Variants in UGT1A4 observed in about 807,000 individuals in gnomAD.
UGT1A4 encodes the protein UDP glucuronosyltransferase family 1 member A4.
In UGT1A4, 32 loss-of-function variants were observed where a neutral mutation model predicts 41.1. The ratio of observed to expected loss-of-function variants is 0.78; its 90% CI spans 0.59 to 1.05. The LOEUF (loss-of-function observed/expected upper bound fraction) is 1.05, where lower values mean the gene tolerates loss of function less well. Ranked by LOEUF, UGT1A4 falls within the 50% of genes least tolerant of loss-of-function variation. The pLI, the probability that UGT1A4 is intolerant of heterozygous loss-of-function variation, is 0.00. For synonymous variants in UGT1A4, 283 were observed against 265.1 expected, an observed-to-expected ratio of 1.07 and a Z score of -0.66; for missense variants, 748 against 677.4, an observed-to-expected ratio of 1.10 and a Z score of -1.16.
At chr2:233,734,402 G>T (rs2078521396) in intron 1 of UGT1A4, among the ~76,000 whole-genome samples, 1 of 152,028 alleles carries the variant, frequency 6.6e-6, no homozygotes. Flanking sequence ...GCGTCTATTT[G>T]ATTCTTCTCT....
intron 4 of UGT1A4, chr2:233,770,148 T>A (rs1432860944): frequency 2.0e-5 from 3 of 152,232 alleles, no homozygotes; most frequent in Admixed American, 6.5e-5. Context: ...CATTATTTTT[T>A]AAAAAAACAC....
At chr2:233,746,981 C>T (rs1456419119) in intron 1 of UGT1A4, among the ~76,000 whole-genome samples, 1 of 151,772 alleles carries the variant, frequency 6.6e-6, no homozygotes, top group Non-Finnish European at 1.5e-5. Flanking sequence ...AGAGCGAGCG[C>T]AGGGTCAGAT....
At chr2:233,762,352 C>T (rs1368513264) in intron 1 of UGT1A4, among the ~76,000 whole-genome samples, 3 of 152,200 alleles carry the variant, frequency 2.0e-5, no homozygotes, top group South Asian at 2.1e-4. Flanking sequence ...GTTCTTTGTA[C>T]TCCAGCTATT....
rs1377553031 is a variant in UGT1A4 at position 233,755,239 on chromosome 2, G to C, written c.868-11795G>C. 12 of 885,954 alleles carry C rather than the reference G, an allele frequency of 1.4e-5. No individual in the cohort carries two copies. The South Asian group carries it at 1.5e-4, about 11-fold the overall frequency. The allele number at this position is 885,954 out of a possible 1,614,324, so 54.9% of individuals were successfully genotyped here. A position where few individuals can be genotyped will look rare whatever the true frequency, so the allele number is the denominator to read the frequency against. On this transcript the variant is annotated intron_variant, in intron 1 of 4. Transcript: ENST00000373409. ...ATACCCTCGGACGAGGCCTACCGGG[G>C]TACTCCCAGCACCTCGTAGTAGTCC...
At position 233,769,709 on chromosome 2, in the gene UGT1A4, G is replaced by T. The variant is rs1309329692; in HGVS notation, c.1307+1270G>T. The T allele has an allele frequency of 6.6e-7, 1 of 1,509,378 alleles. No individual in the cohort carries two copies. Among genetic ancestry groups the T allele is most frequent in the South Asian group, 1.3e-5 (1 of 76,432 alleles). The allele number at this position is 1,509,378 out of a possible 1,614,324, so 93.5% of individuals were successfully genotyped here. On this transcript the variant is annotated intron_variant, in intron 4 of 4. Coordinates refer to ENST00000373409, the MANE Select transcript of UGT1A4 (RefSeq NM_007120.3). The surrounding 1 kb of genome is among the most constrained non-coding windows in gnomAD (Gnocchi z 4.4). Reference sequence around the variant, plus strand: ...GGCACTGGATAAAAGATCAATGTTGGCTAGGCACCATGGCACACGCCTGTA... The same window carrying T: ...GGCACTGGATAAAAGATCAATGTTGTCTAGGCACCATGGCACACGCCTGTA...
At chr2:233,731,308 T>G (rs962546362) in intron 1 of UGT1A4, among the ~76,000 whole-genome samples, 3 of 151,716 alleles carry the variant, frequency 2.0e-5, no homozygotes, top group African/African-American at 7.3e-5. Context: ...TATTATACTT[T>G]AAGTTCTAGG....
chr2:233,759,779 G>A (rs1697251285), intron 1 of UGT1A4, among the ~76,000 whole-genome samples: 1 of 152,188 alleles, frequency 6.6e-6, no homozygotes, highest in South Asian at 2.1e-4. Flanking sequence ...GTTGGACGAA[G>A]GAATGAAACA....
At chr2:233,757,301 G>T (rs1209658771) in intron 1 of UGT1A4, among the ~76,000 whole-genome samples, 1 of 149,508 alleles carries the variant, frequency 6.7e-6, no homozygotes, top group Non-Finnish European at 1.5e-5. Context: ...TGGGGGTTGG[G>T]GGACAGGGGG....
At chr2:233,726,279 G>C (rs566930046) in intron 1 of UGT1A4, among the ~76,000 whole-genome samples, 9 of 152,210 alleles carry the variant, frequency 5.9e-5, no homozygotes, top group Non-Finnish European at 1.2e-4. Flanking sequence ...TATGGTCCCA[G>C]GTACTTGGGA....
intron 1 of UGT1A4, among the ~76,000 whole-genome samples, chr2:233,724,488 CG>C (rs1207122697): frequency 1.4e-5 from 1 of 72,502 alleles, no homozygotes; most frequent in Non-Finnish European, 2.9e-5. Context: ...TCAGACGGGG[CG>C]GCCGGGCAGA....
chr2:233,727,434 G>A (rs2077616452), intron 1 of UGT1A4, among the ~76,000 whole-genome samples: 1 of 152,122 alleles, frequency 6.6e-6, no homozygotes, highest in African/African-American at 2.4e-5. Context: ...TCCCAGACAT[G>A]TGACAAGAAA....
intron 1 of UGT1A4, chr2:233,730,016 A>G (rs763607059): frequency 4.4e-5 from 71 of 1,613,718 alleles, no homozygotes; most frequent in Non-Finnish European, 5.8e-5. Flanking sequence ...GCCTTCATCC[A>G]ATCAATGTTC....
intron 1 of UGT1A4, chr2:233,721,911 G>T: frequency 2.3e-6 from 1 of 435,688 alleles, no homozygotes; most frequent in Non-Finnish European, 4.6e-6. Context: ...GGTGCACACT[G>T]CTTCCATAAA....
intron 1 of UGT1A4, among the ~76,000 whole-genome samples, chr2:233,742,390 G>A (rs1691965200): frequency 6.6e-6 from 1 of 152,012 alleles, no homozygotes. Context: ...GATGGCTCAT[G>A]TTATTATTTG....
chr2:233,755,235 C>T lies in UGT1A4; in HGVS notation c.868-11799C>T, dbSNP rs1346915931. ...CTTGATACCCTCGGACGAGGCCTACCGGGGTACTCCCAGCACCTCGTAGTA... is the reference window on the plus strand; with the variant it reads ...CTTGATACCCTCGGACGAGGCCTACTGGGGTACTCCCAGCACCTCGTAGTA... On this transcript the variant is annotated intron_variant, in intron 1 of 4. Transcript: ENST00000373409. The T allele has an allele frequency of 1.2e-5, 11 of 904,686 alleles. No homozygotes were observed. The East Asian group carries it at 3.5e-4, about 29-fold the overall frequency. 56.0% of individuals were successfully genotyped at this position (904,686 alleles called of 1,614,324 possible).
At chr2:233,768,197 A>G in intron 3 of UGT1A4, 23 bp from the exon 4 acceptor site, 3 of 1,614,174 alleles carry the variant, frequency 1.9e-6, no homozygotes, top group Non-Finnish European at 2.5e-6. Context: ...AACTGCTGAC[A>G]TCCTCCCTAT....
At chr2:233,743,673 G>C (rs1692427758) in intron 1 of UGT1A4, 4 of 1,367,190 alleles carry the variant, frequency 2.9e-6, no homozygotes, top group Middle Eastern at 4.2e-4. Context: ...TCCTCGAAGG[G>C]CCTGCCGCCT....
At chr2:233,747,496 G>A in intron 1 of UGT1A4, 1 of 1,608,732 alleles carries the variant, frequency 6.2e-7, no homozygotes, top group Non-Finnish European at 8.5e-7. Context: ...CTTGTGCTGG[G>A]CCACACTCAA....
intron 1 of UGT1A4, among the ~76,000 whole-genome samples, chr2:233,720,989 G>T (rs570345451): frequency 2.6e-5 from 4 of 151,812 alleles, no homozygotes; most frequent in East Asian, 3.9e-4. Flanking sequence ...GGGATTACAG[G>T]CAAGAGCCAC....
Sources: gnomAD v4.1 joint callset for allele counts (sites outside exome capture counted in the v4.1 genomes callset) on GRCh38, gnomAD v4.1.1 for gene constraint, Gnocchi (gnomAD v3.1) non-coding constraint, MANE v1.5 for transcripts, NCBI Gene and HGNC (gene_info 2026-07-23, HGNC 2026-07-21) for gene names.